MCF2L: variants seen among roughly 807,000 people sequenced by gnomAD.
MCF2L encodes the protein guanine nucleotide exchange factor DBS.
Under a neutral mutation model 153.4 loss-of-function variants are expected in MCF2L, and 97 were observed. That is an observed-to-expected ratio of 0.63 (90% CI 0.54 to 0.75). MCF2L has a LOEUF of 0.75. Among genes scored for constraint, MCF2L ranks in the 30% least tolerant of loss-of-function variants. The pLI is 0.00. For missense variants in MCF2L, 1,347 were observed against 1,495.2 expected (o/e 0.90, Z 1.64); for synonymous variants, 659 against 632.2 (o/e 1.04, Z -0.64).
chr13:112,992,254 C>A (rs1380197116), intron 1 of MCF2L, among the ~76,000 whole-genome samples: 3 of 152,224 alleles, frequency 2.0e-5, no homozygotes, highest in Admixed American at 2.0e-4. Flanking sequence ...TGAAAAAAAT[C>A]CAAAATCCGA....
At chr13:113,009,125 G>C (rs927338499) in intron 1 of MCF2L, 1 of 152,264 alleles carries the variant, frequency 6.6e-6, no homozygotes, top group Non-Finnish European at 1.5e-5. Context: ...TCTGCGGGGC[G>C]GCTGTGCACT....
intron 1 of MCF2L, among the ~76,000 whole-genome samples, chr13:112,988,851 A>G (rs796546101): frequency 0.37 from 6,756 of 18,360 alleles, 69 homozygotes; most frequent in Middle Eastern, 0.5. Flanking sequence ...TACCACGCCC[A>G]AGTCCTCCCT....
chr13:113,074,415 C>T lies in MCF2L; in HGVS notation c.997-29C>T, dbSNP rs1235484995. The T allele has an allele frequency of 6.2e-7, 1 of 1,603,684 alleles. No individual in the cohort carries two copies. Among genetic ancestry groups the T allele is most frequent in the East Asian group, 2.2e-5 (1 of 44,598 alleles). ...TCTCTGTTCAGGTGAGGGAGACACC[C>T]CCCTGAGATGGGCCCTCCTCTGTTC... On this transcript the variant is annotated intron_variant, in intron 9 of 29. Transcript: ENST00000535094. This position sits in a 1 kb window ranked among gnomAD's most constrained non-coding sequence, Gnocchi z 4.2.
At chr13:113,093,022 CT>C in intron 26 of MCF2L, among the ~76,000 whole-genome samples, 1 of 152,340 alleles carries the variant, frequency 6.6e-6, no homozygotes, top group South Asian at 2.1e-4. Context: ...AGCAGCCCCC[CT>C]TTTTTTGTTC....
chr13:112,894,897 TAG>T (rs2081051433), intron 1 of MCF2L, among the ~76,000 whole-genome samples: 1 of 99,934 alleles, frequency 1.0e-5, no homozygotes, highest in Non-Finnish European at 2.3e-5. Context: ...GAGGGAAGGG[TAG>T]CCTGGGGTCC....
chr13:113,087,965 G>T (rs541369924), intron 23 of MCF2L, among the ~76,000 whole-genome samples, 166 bp downstream of exon 23: 1 of 152,360 alleles, frequency 6.6e-6, no homozygotes, highest in African/African-American at 2.4e-5. Context: ...GACCCAGAAT[G>T]AAATGTGGGG....
chr13:112,919,064 C>G (rs2081326557), intron 2 of MCF2L, among the ~76,000 whole-genome samples: 1 of 152,230 alleles, frequency 6.6e-6, no homozygotes, highest in South Asian at 2.1e-4. Flanking sequence ...ACTATTCCTT[C>G]ATTCTCTTTC....
rs2081965362 is a variant in MCF2L, at chr13:112,969,368, T to C, written c.-12T>C. Reference sequence around the variant, plus strand: ...AGCGGATCTGCCAGGATCATTTTTGTTGTGTCGGAGGATGAGGTTTTGGCT... The same window carrying C: ...AGCGGATCTGCCAGGATCATTTTTGCTGTGTCGGAGGATGAGGTTTTGGCT... On this transcript the variant is annotated 5_prime_UTR_variant, in exon 1 of 30. Coordinates refer to ENST00000535094, the MANE Select transcript of MCF2L (RefSeq NM_001112732.3). This position sits in a 1 kb window ranked among gnomAD's most constrained non-coding sequence, Gnocchi z 4.8. The C allele has an allele frequency of 6.5e-7, 1 of 1,549,616 alleles. No homozygotes were observed. Among genetic ancestry groups the C allele is most frequent in the Non-Finnish European group, 8.7e-7 (1 of 1,146,390 alleles).
intron 18 of MCF2L, 96 bp downstream of exon 18, chr13:113,084,163 A>T (rs2034412750): frequency 9.9e-7 from 1 of 1,006,028 alleles, no homozygotes; most frequent in Non-Finnish European, 1.6e-6. Flanking sequence ...TAACCAACTG[A>T]AATCACAAAA....
Position 113,069,881 on chromosome 13 carries a change from G to A in MCF2L, c.882-178G>A, listed in dbSNP as rs939404158. Among the ~76,000 whole-genome samples, 10 of 152,130 alleles carry A rather than the reference G, an allele frequency of 6.6e-5. No homozygotes were observed. In the East Asian group the frequency reaches 1.2e-3, roughly 18 times the overall value. On this transcript the variant is annotated intron_variant, in intron 8 of 29. Coordinates refer to ENST00000535094, the MANE Select transcript of MCF2L (RefSeq NM_001112732.3). The stretch of plus-strand genomic sequence containing the variant: ...TCCAGGGCCTCCCTCCCATGCTGAC[G>A]GCCCTGAGTGCCCGCGCCCGCAGAT...
intron 2 of MCF2L, among the ~76,000 whole-genome samples, chr13:112,930,892 A>G (rs2140621338): frequency 6.6e-6 from 1 of 152,288 alleles, no homozygotes; most frequent in East Asian, 1.9e-4. Context: ...AGCCAAGATC[A>G]CGCCATTGCA....
intron 2 of MCF2L, among the ~76,000 whole-genome samples, chr13:112,955,698 T>TCCATTC (rs2081748677): frequency 6.6e-6 from 1 of 152,152 alleles, no homozygotes. Flanking sequence ...GGAGGCTGTT[T>TCCATTC]CCATTCCCCA....
intron 2 of MCF2L, among the ~76,000 whole-genome samples, chr13:112,931,577 T>C (rs1199066089): frequency 6.6e-6 from 1 of 152,130 alleles, no homozygotes; most frequent in Admixed American, 6.5e-5. Flanking sequence ...CACGCCTGCC[T>C]CTCCTCACCT....
chr13:112,906,888 C>T (rs1184636353), intron 2 of MCF2L, among the ~76,000 whole-genome samples: 1 of 152,190 alleles, frequency 6.6e-6, no homozygotes, highest in Non-Finnish European at 1.5e-5. Flanking sequence ...CAGTGATTTT[C>T]GTCCCAGCAA....
intron 1 of MCF2L, among the ~76,000 whole-genome samples, chr13:112,971,831 G>C (rs1419113756): frequency 6.6e-6 from 1 of 152,190 alleles, no homozygotes; most frequent in African/African-American, 2.4e-5. Context: ...ATTTTCGTCT[G>C]TTTTGGTTTT....
chr13:113,074,726 T>C lies in MCF2L; in HGVS notation c.1116+163T>C, dbSNP rs577968529. Among the ~76,000 whole-genome samples, 117 of 142,328 alleles carry C rather than the reference T, an allele frequency of 8.2e-4. No homozygotes were observed. The highest frequency in any genetic ancestry group is 3.5e-3 in the Middle Eastern group (1 of 288). 93.4% of individuals were successfully genotyped at this position (142,328 alleles called of 152,430 possible). ...GGTGCTGCTGCCTGTACCCCTCCCC[T>C]CCCACACCCCACCCACAGCACATGG... On this transcript the variant is annotated intron_variant, in intron 10 of 29. Coordinates refer to ENST00000535094, the MANE Select transcript of MCF2L (RefSeq NM_001112732.3). This position sits in a 1 kb window ranked among gnomAD's most constrained non-coding sequence, Gnocchi z 4.2.
Position 113,096,925 on chromosome 13 carries a change from C to A in MCF2L, c.*66C>A. ...GCGGTGGCGTGGGGAGGGCGCGGCC[C>A]CCGGACGCCCCGAGGAAGGGGCACC... On this transcript the variant is annotated 3_prime_UTR_variant, in exon 30 of 30. Coordinates refer to ENST00000535094, the MANE Select transcript of MCF2L (RefSeq NM_001112732.3). 2 of 1,154,192 alleles carry A rather than the reference C, an allele frequency of 1.7e-6. No homozygotes were observed. Among genetic ancestry groups the A allele is most frequent in the Non-Finnish European group, 1.1e-6 (1 of 896,566 alleles). The allele number at this position is 1,154,192 out of a possible 1,614,324, so 71.5% of individuals were successfully genotyped here. A position where few individuals can be genotyped will look rare whatever the true frequency, so the allele number is the denominator to read the frequency against.
At chr13:112,936,372 A>G (rs1456380697) in intron 2 of MCF2L, among the ~76,000 whole-genome samples, 1 of 151,366 alleles carries the variant, frequency 6.6e-6, no homozygotes, top group East Asian at 1.9e-4. Context: ...AATTTACTAT[A>G]TTTTTATGCC....
intron 3 of MCF2L, 200 bp downstream of exon 3, chr13:113,024,958 G>A: frequency 1.9e-6 from 1 of 525,426 alleles, no homozygotes; most frequent in South Asian, 2.5e-5. Flanking sequence ...CTGTGGGTCA[G>A]GGCAGAGTCT....
Sources: allele counts gnomAD v4.1 joint callset (sites outside exome capture counted in the v4.1 genomes callset), GRCh38; gene constraint gnomAD v4.1.1; non-coding constraint Gnocchi (gnomAD v3.1); transcripts MANE v1.5; gene names NCBI Gene and HGNC (gene_info 2026-07-23, HGNC 2026-07-21).